SYNE2: variants seen among roughly 807,000 people sequenced by gnomAD.
The protein encoded by SYNE2 is nesprin-2.
SYNE2 carries 431 observed loss-of-function variants against 856.3 expected under a neutral mutation model. The ratio of observed to expected loss-of-function variants is 0.50; its 90% CI spans 0.47 to 0.55. The LOEUF is 0.55. Ranked by LOEUF, SYNE2 falls within the 20% of genes least tolerant of loss-of-function variation. The pLI, the probability that SYNE2 is intolerant of heterozygous loss-of-function variation, is 0.00. For synonymous variants in SYNE2, 2,923 were observed against 2,872.3 expected, an observed-to-expected ratio of 1.02 and a Z score of -0.56; for missense variants, 8,129 against 8,023.2, an observed-to-expected ratio of 1.01 and a Z score of -0.50.
intron 1 of SYNE2, among the ~76,000 whole-genome samples, chr14:63,763,060 C>T (rs1886547510): frequency 6.6e-6 from 1 of 152,166 alleles, no homozygotes; most frequent in Non-Finnish European, 1.5e-5. Context: ...CTCTGCCTCC[C>T]AGGTTCAAGA....
chr14:64,014,928 CTTATATAT>C (rs1284431026), intron 32 of SYNE2, among the ~76,000 whole-genome samples: 3 of 51,870 alleles, frequency 5.8e-5, no homozygotes, highest in East Asian at 1.2e-3. Flanking sequence ...TGTATAATTC[CTTATATAT>C]ATATATATAT....
intron 1 of SYNE2, among the ~76,000 whole-genome samples, chr14:63,833,063 G>C (rs1331418952): frequency 1.3e-5 from 2 of 151,112 alleles, no homozygotes; most frequent in East Asian, 3.9e-4. Context: ...GCATATATTG[G>C]CTGGGTGCAG....
chr14:63,775,263 C>T (rs892413524), intron 1 of SYNE2, among the ~76,000 whole-genome samples: 1 of 151,940 alleles, frequency 6.6e-6, no homozygotes, highest in Non-Finnish European at 1.5e-5. Flanking sequence ...ACATGAGCCA[C>T]CACTCTTGGC....
At chr14:63,822,012 G>A (rs552771931) in intron 1 of SYNE2, among the ~76,000 whole-genome samples, 17 of 152,154 alleles carry the variant, frequency 1.1e-4, no homozygotes, top group Middle Eastern at 3.4e-3. Flanking sequence ...CCAACATGGC[G>A]AAACCCCGTC....
chr14:64,188,074 C>G (rs2098500814), intron 97 of SYNE2, among the ~76,000 whole-genome samples: 1 of 152,090 alleles, frequency 6.6e-6, no homozygotes, highest in South Asian at 2.1e-4. Flanking sequence ...AAGCATAACA[C>G]TAAGGACATT....
rs574690635 is a variant in SYNE2 at position 64,097,587 on chromosome 14, G to T, written c.12109-362G>T. ...GCAGACTCCGGGGCCCTGCCCCGTG[G>T]ATCCTGGTTCTCTCAGTCCTGTAGC... On this transcript the variant is annotated intron_variant, in intron 61 of 115. Coordinates refer to ENST00000555002, the MANE Select transcript of SYNE2 (RefSeq NM_182914.3). Among the ~76,000 whole-genome samples, 135 of 152,360 alleles carry T rather than the reference G, an allele frequency of 8.9e-4. 2 individuals carry two copies. In the South Asian group the frequency reaches 0.024, roughly 27 times the overall value.
At chr14:64,076,572 G>T (rs781480774) in intron 54 of SYNE2, among the ~76,000 whole-genome samples, 19 of 152,194 alleles carry the variant, frequency 1.2e-4, no homozygotes, top group Non-Finnish European at 2.6e-4. Context: ...CTCATGAAAA[G>T]TACCTGAGCA....
intron 1 of SYNE2, among the ~76,000 whole-genome samples, chr14:63,797,276 A>G (rs935465791): frequency 2.0e-5 from 3 of 151,318 alleles, no homozygotes; most frequent in African/African-American, 7.3e-5. Context: ...CCGTAAAGCC[A>G]GCTACTAGGG....
chr14:64,183,327 G>A (rs949620990), intron 96 of SYNE2, among the ~76,000 whole-genome samples: 32 of 151,452 alleles, frequency 2.1e-4, no homozygotes, highest in Non-Finnish European at 3.4e-4. Context: ...GGGGCGGCAG[G>A]GCAGAGGCGC....
intron 1 of SYNE2, among the ~76,000 whole-genome samples, chr14:63,835,650 G>A (rs1229950422): frequency 6.6e-6 from 1 of 151,920 alleles, no homozygotes; most frequent in African/African-American, 2.4e-5. Flanking sequence ...TAGCATCAGT[G>A]TTTTCTAGTA....
At chr14:63,983,582 T>C (rs1189703739) in intron 17 of SYNE2, among the ~76,000 whole-genome samples, 155 bp from the exon 18 acceptor site, 1 of 152,212 alleles carries the variant, frequency 6.6e-6, no homozygotes, top group African/African-American at 2.4e-5. Flanking sequence ...ATTTGAGATG[T>C]AGGTGTTTTA....
chr14:64,199,349 A>G (rs1458219598), intron 99 of SYNE2, among the ~76,000 whole-genome samples: 11 of 152,204 alleles, frequency 7.2e-5, no homozygotes. Flanking sequence ...GCTATTGACC[A>G]TGTGACTTGG....
intron 96 of SYNE2, among the ~76,000 whole-genome samples, chr14:64,186,119 A>G (rs1294805828): frequency 6.6e-6 from 1 of 152,200 alleles, no homozygotes; most frequent in Non-Finnish European, 1.5e-5. Flanking sequence ...TTAGACTCCA[A>G]ATACACTTTC....
At chr14:64,212,762 A>G in intron 104 of SYNE2, 49 bp from the exon 105 acceptor site, 1 of 1,565,492 alleles carries the variant, frequency 6.4e-7, no homozygotes, top group African/African-American at 1.4e-5. Flanking sequence ...AGGCAGTGGA[A>G]GCTCAGGGTA....
chr14:63,801,177 A>G (rs932833704), intron 1 of SYNE2, among the ~76,000 whole-genome samples: 6 of 152,182 alleles, frequency 3.9e-5, no homozygotes, highest in Admixed American at 3.3e-4. Context: ...CCTGCCAGAT[A>G]TGACACATGC....
chr14:63,941,038 A>G (rs2095907566), intron 3 of SYNE2, among the ~76,000 whole-genome samples: 1 of 152,364 alleles, frequency 6.6e-6, no homozygotes, highest in African/African-American at 2.4e-5. Context: ...ACAACTCCTG[A>G]CAAATAATTT....
At position 64,025,274 on chromosome 14, in the gene SYNE2, G is replaced by A. The variant is rs1338426952; in HGVS notation, c.6105G>A (p.Glu2035=). 6.2e-7 allele frequency: 1 copy of A among 1,614,100 alleles called. No homozygotes were observed. ...GACAACTAAGTGAAATCGAGGAAGA[G>A]GATAAGTTACTACCCACAGAGGACC... The part of the protein sequence containing the change: ...LLRQLSEIEE[E]DKLLPTEDQS... Residue 2035 remains glutamate (E), a synonymous_variant, in exon 41 of 116, where the codon GAG becomes GAA. Transcript: ENST00000555002.
At chr14:63,845,003 C>CT (rs1160797148) in intron 1 of SYNE2, among the ~76,000 whole-genome samples, 1 of 152,158 alleles carries the variant, frequency 6.6e-6, no homozygotes, top group African/African-American at 2.4e-5. Flanking sequence ...GGGCCTCATA[C>CT]TTTTTTGTGT....
intron 1 of SYNE2, among the ~76,000 whole-genome samples, chr14:63,899,756 C>T (rs533635288): frequency 1.3e-5 from 2 of 152,312 alleles, no homozygotes; most frequent in East Asian, 1.9e-4. Context: ...CTTGCCTTGG[C>T]TTCCCACAGT....
Sources: gnomAD v4.1 joint callset for allele counts (sites outside exome capture counted in the v4.1 genomes callset) on GRCh38, gnomAD v4.1.1 for gene constraint, MANE v1.5 for transcripts, NCBI Gene and HGNC (gene_info 2026-07-23, HGNC 2026-07-21) for gene names.